Variants in NLRP13 observed in about 807,000 individuals in gnomAD.
The protein encoded by NLRP13 is NLR family pyrin domain containing 13.
NLRP13 carries 82 observed loss-of-function variants against 94.4 expected under a neutral mutation model. The ratio of observed to expected loss-of-function variants is 0.87; its 90% confidence interval spans 0.73 to 1.04. NLRP13 has a LOEUF of 1.04. Ranked by LOEUF, NLRP13 falls within the 50% of genes least tolerant of loss-of-function variation. NLRP13 has a pLI of 0.00. For synonymous variants in NLRP13, 553 were observed against 464.7 expected, an observed-to-expected ratio of 1.19 and a Z score of -2.45; for missense variants, 1,426 against 1,230.8, an observed-to-expected ratio of 1.16 and a Z score of -2.37.
chr19:55,899,431 A>G (rs541681707), intron 9 of NLRP13, among the ~76,000 whole-genome samples: 1 of 152,246 alleles, frequency 6.6e-6, no homozygotes, highest in South Asian at 2.1e-4. Flanking sequence ...AGGAAAGACA[A>G]GGAAGCGACA....
intron 4 of NLRP13, among the ~76,000 whole-genome samples, chr19:55,914,837 A>T (rs1038806904): frequency 2.0e-5 from 3 of 152,206 alleles, no homozygotes; most frequent in Non-Finnish European, 4.4e-5. Context: ...ATGGATACCT[A>T]GGTTGATTTC....
intron 4 of NLRP13, among the ~76,000 whole-genome samples, chr19:55,921,463 A>G (rs542070419): frequency 6.6e-6 from 1 of 152,320 alleles, no homozygotes; most frequent in South Asian, 2.1e-4. Flanking sequence ...CTACAGAAAT[A>G]TTTGTGGATA....
Position 55,902,054 on chromosome 19 carries a change from C to T in NLRP13, c.2770G>A (p.Gly924Ser). The T allele has an allele frequency of 1.2e-6, 2 of 1,614,118 alleles. No homozygotes were observed. The highest frequency in any genetic ancestry group is 4.5e-5 in the East Asian group (2 of 44,870). Residue 924 changes from glycine to serine, a missense_variant, in exon 9 of 11, where the codon GGT becomes AGT. Physicochemically the swap from Gly to Ser is moderately conservative, Grantham distance 56. Coordinates refer to ENST00000342929, the MANE Select transcript of NLRP13 (RefSeq NM_176810.2). Reference protein sequence around the residue: ...FLCEALGRPDGNLQSLNLSGC... With the variant: ...FLCEALGRPDSNLQSLNLSGC... ...ACTTACTTCAGGCTCTGCAGGTTAC[C>T]ATCTGGGCGACCCAAGGCCTCACAC...
rs139273788 is a variant in NLRP13, at chr19:55,932,102, A to G, written c.210T>C (p.Phe70=). The change falls in exon 1 of 11, where the codon TTT becomes TTC. Residue 70 remains phenylalanine (F), a synonymous_variant. Coordinates refer to ENST00000342929, the MANE Select transcript of NLRP13 (RefSeq NM_176810.2). ...LRAADPLNLS[F]LLDEHFPKGQ... ...CTTTTGGGAAGTGTTCATCCAAAAG[A>G]AAGGACAGATTCAAAGGGTCGGCAG... The G allele has an allele frequency of 3.5e-4, 565 of 1,614,208 alleles. 2 individuals are homozygous for G. The African/African-American group carries it at 4.8e-3, about 14-fold the overall frequency.
In NLRP13 at chr19:55,911,875, C is replaced by T; in HGVS notation, c.1942G>A (p.Glu648Lys). ...LFHCLHESQE[E>K]DFTKKMLGRI... The stretch of plus-strand genomic sequence containing the variant: ...CCCAACATCTTCTTTGTGAAGTCTT[C>T]CTCCTGGGACTCGTGTAGGCAGTGA... The change falls in exon 5 of 11, where the codon GAA becomes AAA. Residue 648 changes from glutamate to lysine, a missense_variant. Glu to Lys is a moderately conservative substitution (Grantham distance 56). Transcript: ENST00000342929. 1.2e-6 allele frequency: 2 copies of T among 1,614,170 alleles called. No individual in the cohort carries two copies. Among genetic ancestry groups the T allele is most frequent in the South Asian group, 1.1e-5 (1 of 91,080 alleles).
chr19:55,898,159 C>T (rs769268919), intron 10 of NLRP13, among the ~76,000 whole-genome samples: 18 of 150,562 alleles, frequency 1.2e-4, no homozygotes, highest in Non-Finnish European at 2.4e-4. Context: ...CTTCTCTAAA[C>T]GTGAAAAACT....
At chr19:55,891,918 T>A, downstream of NLRP13, 1 of 401,576 alleles carries the variant, frequency 2.5e-6, no homozygotes, top group South Asian at 1.4e-4. Context: ...AATGGTGACA[T>A]TGGAGCGACA....
At chr19:55,893,857 G>A (rs1032688440), downstream of NLRP13, among the ~76,000 whole-genome samples, 1 of 152,048 alleles carries the variant, frequency 6.6e-6, no homozygotes, top group South Asian at 2.1e-4. Flanking sequence ...CATCTTTAAC[G>A]GTTGCTGTCC....
In NLRP13 at chr19:55,907,806, G is replaced by T. The variant is rs775658378; in HGVS notation, c.2433C>A (p.Asn811Lys). The change falls in exon 7 of 11, where the codon AAC becomes AAA. Residue 811 changes from asparagine to lysine, a missense_variant. Transcript: ENST00000342929. The part of the protein sequence containing the change: ...ILKALRHSAC[N>K]LKYLCLEKCN... ...CAAAGACTTACCACAGATACTTGAGGTTGCAAGCTGAGTGTCTCAAAGCTT... is the reference window on the plus strand; with the variant it reads ...CAAAGACTTACCACAGATACTTGAGTTTGCAAGCTGAGTGTCTCAAAGCTT... 3.1e-5 allele frequency: 50 copies of T among 1,613,748 alleles called. 1 individual carries two copies. The South Asian group carries it at 4.9e-4, about 16-fold the overall frequency.
At chr19:55,917,210 T>C (rs989547665) in intron 4 of NLRP13, among the ~76,000 whole-genome samples, 1 of 152,098 alleles carries the variant, frequency 6.6e-6, no homozygotes, top group Non-Finnish European at 1.5e-5. Flanking sequence ...CAGGAAATAC[T>C]TGAAGGAGTT....
At chr19:55,914,575 T>C (rs1250068278) in intron 4 of NLRP13, among the ~76,000 whole-genome samples, 1 of 152,206 alleles carries the variant, frequency 6.6e-6, no homozygotes, top group Non-Finnish European at 1.5e-5. Flanking sequence ...AATTTAGGAA[T>C]GAATGGTAAT....
At chr19:55,899,028 G>C in intron 9 of NLRP13, 91 bp from the exon 10 acceptor site, 1 of 1,371,732 alleles carries the variant, frequency 7.3e-7, no homozygotes, top group Admixed American at 2.4e-5. Context: ...TCCAAGGAAA[G>C]GAGACACCCT....
intron 4 of NLRP13, among the ~76,000 whole-genome samples, chr19:55,913,548 C>CAAAAAAAAAAAAAAA (rs10530056): frequency 0.015 from 789 of 52,020 alleles, 143 homozygotes; most frequent in East Asian, 0.019. Flanking sequence ...GACTCCGTCT[C>CAAAAAAAAAAAAAAA]AAAAAAAAAA....
chr19:55,898,722 G>A (rs768842888), intron 10 of NLRP13, 48 bp downstream of exon 10: 32 of 1,521,276 alleles, frequency 2.1e-5, no homozygotes, highest in African/African-American at 1.8e-4. Context: ...CTCCCCACCC[G>A]CAAGAGTAGA....
intron 6 of NLRP13, 93 bp from the exon 7 acceptor site, chr19:55,908,049 C>T (rs1287854849): frequency 1.8e-6 from 2 of 1,135,412 alleles, no homozygotes; most frequent in Admixed American, 2.2e-5. Context: ...CTACTACACT[C>T]ACTGCCAAGG....
chr19:55,903,588 G>C (rs1296985667), intron 8 of NLRP13, among the ~76,000 whole-genome samples: 2 of 152,106 alleles, frequency 1.3e-5, no homozygotes, highest in Admixed American at 1.3e-4. Flanking sequence ...TCTCTGAATG[G>C]CATCTCAAGC....
At chr19:55,925,622 T>A (rs1600278677) in intron 1 of NLRP13, among the ~76,000 whole-genome samples, 1 of 152,216 alleles carries the variant, frequency 6.6e-6, no homozygotes, top group East Asian at 1.9e-4. Flanking sequence ...AGTCCCTCAA[T>A]TTGCTGCACA....
chr19:55,910,803 CG>C, intron 5 of NLRP13, 70 bp from the exon 6 acceptor site: 1 of 1,255,736 alleles, frequency 8.0e-7, no homozygotes, highest in African/African-American at 1.5e-5. Context: ...ATACAACCTA[CG>C]GGACACAGAA....
intron 9 of NLRP13, among the ~76,000 whole-genome samples, chr19:55,900,989 G>C (rs370090711): frequency 6.6e-6 from 1 of 152,200 alleles, no homozygotes; most frequent in Admixed American, 6.5e-5. Flanking sequence ...AGTGGCTCAC[G>C]TCTTGGTACA....
Sources: gnomAD v4.1 joint callset for allele counts (sites outside exome capture counted in the v4.1 genomes callset) on GRCh38, gnomAD v4.1.1 for gene constraint, MANE v1.5 for transcripts, NCBI Gene and HGNC (gene_info 2026-07-23, HGNC 2026-07-21) for gene names.